The following CECR2 variants were observed in gnomAD, a reference collection of about 807,000 sequenced individuals.
The protein encoded by CECR2 is CECR2 histone acetyl-lysine reader.
CECR2 carries 30 observed loss-of-function variants against 154.5 expected under a neutral mutation model. That is an observed-to-expected ratio of 0.19 (90% CI 0.15 to 0.26). The LOEUF is 0.26. Among genes scored for constraint, CECR2 ranks in the 10% least tolerant of loss-of-function variants. CECR2 has a pLI of 1.00. For missense variants in CECR2, 1,743 were observed against 1,829.3 expected, an observed-to-expected ratio of 0.95 and a Z score of 0.86; for synonymous variants, 725 against 683.7, an observed-to-expected ratio of 1.06 and a Z score of -0.94.
intron 16 of CECR2, among the ~76,000 whole-genome samples, chr22:17,544,497 CAAAAAA>C (rs34885224): frequency 3.5e-5 from 2 of 57,390 alleles, no homozygotes; most frequent in Non-Finnish European, 6.6e-5. Context: ...GACTCCATCT[CAAAAAA>C]AAAAAAAAAA....
intron 1 of CECR2, among the ~76,000 whole-genome samples, chr22:17,381,969 G>A (rs149174617): frequency 0.036 from 5,480 of 151,764 alleles, 153 homozygotes; most frequent in Non-Finnish European, 0.05. Context: ...CTCACTGCGA[G>A]CTCCGCCTCC....
At position 17,500,333 on chromosome 22, in the gene CECR2, C is replaced by T. The variant is rs114817228; in HGVS notation, c.546-298C>T. On this transcript the variant is annotated intron_variant, in intron 4 of 18. Coordinates refer to ENST00000262608, the MANE Select transcript of CECR2 (RefSeq NM_001290047.2). ...GCTTTACTAAGTAAGGAAGAGGCCG[C>T]ATTTCCATAGCATCCCAAAACAATG... 4.7e-3 allele frequency among the ~76,000 whole-genome samples: 710 copies of T among 152,200 alleles called. 5 individuals are homozygous for T. Among genetic ancestry groups the T allele is most frequent in the African/African-American group, 0.016 (677 of 41,542 alleles).
intron 1 of CECR2, among the ~76,000 whole-genome samples, chr22:17,395,348 C>T (rs1051503789): frequency 1.1e-4 from 16 of 150,678 alleles, no homozygotes; most frequent in Non-Finnish European, 1.5e-4. Flanking sequence ...CTTACATATT[C>T]TCTCTTTTTT....
At chr22:17,417,598 C>T (rs2054175662) in intron 1 of CECR2, among the ~76,000 whole-genome samples, 1 of 152,112 alleles carries the variant, frequency 6.6e-6, no homozygotes, top group South Asian at 2.1e-4. Context: ...CATTCCACAA[C>T]ACCCAGTCTG....
At chr22:17,549,714 G>A in intron 17 of CECR2, 150 bp downstream of exon 17, 1 of 645,326 alleles carries the variant, frequency 1.5e-6, no homozygotes, top group South Asian at 2.1e-5. Context: ...CCAGGCTCAA[G>A]GATCCTCCTG....
chr22:17,551,871 G>GC (rs2056713381), intron 17 of CECR2, among the ~76,000 whole-genome samples, 160 bp from the exon 18 acceptor site: 1 of 152,162 alleles, frequency 6.6e-6, no homozygotes, highest in Admixed American at 6.5e-5. Context: ...GCCACTTACT[G>GC]CCCCAGGGGG....
intron 1 of CECR2, among the ~76,000 whole-genome samples, chr22:17,474,628 C>T (rs2055179792): frequency 6.6e-6 from 1 of 152,178 alleles, no homozygotes; most frequent in East Asian, 1.9e-4. Context: ...TGAAAATGGC[C>T]ATGATAAAGG....
At chr22:17,462,391 TTAAGA>T (rs565718986) in intron 1 of CECR2, among the ~76,000 whole-genome samples, 12 of 151,988 alleles carry the variant, frequency 7.9e-5, no homozygotes, top group South Asian at 2.1e-4. Flanking sequence ...GATAAAGATC[TTAAGA>T]TAATACTGAG....
chr22:17,386,893 C>T (rs572069205), intron 1 of CECR2, among the ~76,000 whole-genome samples: 3 of 152,194 alleles, frequency 2.0e-5, no homozygotes, highest in Admixed American at 2.0e-4. Context: ...TCAGGTGATC[C>T]ACCCGCCTCA....
In CECR2 at chr22:17,369,849, C is replaced by T. The variant is rs2063033502; in HGVS notation, c.66C>T (p.Ala22=). 1 of 150,892 alleles carries T rather than the reference C, an allele frequency of 6.6e-6. No individual in the cohort carries two copies. Among genetic ancestry groups the T allele is most frequent in the Admixed American group, 6.6e-5 (1 of 15,154 alleles). 9.3% of individuals were successfully genotyped at this position (150,892 alleles called of 1,614,324 possible). The change falls in exon 1 of 19, where the codon GCC becomes GCT. Residue 22 remains alanine, a synonymous_variant. Transcript: ENST00000262608. ...TCCGCTCCTGGTGGGAGGTCCCGGC[C>T]ATCGCGCACTTCTGCTCGCTCTTTC... ...GELRSWWEVP[A]IAHFCSLFRT... is the part of the protein sequence containing the mutation.
At chr22:17,398,948 G>T (rs1442640838) in intron 1 of CECR2, among the ~76,000 whole-genome samples, 1 of 152,164 alleles carries the variant, frequency 6.6e-6, no homozygotes, top group Admixed American at 6.5e-5. Context: ...GTGATATTGG[G>T]CTCCCTCTGA....
At chr22:17,419,716 C>A in intron 1 of CECR2, 1 of 303,026 alleles carries the variant, frequency 3.3e-6, no homozygotes, top group Non-Finnish European at 6.8e-6. Context: ...AGCTAGAGAG[C>A]TGATGGATAA....
Position 17,542,345 on chromosome 22 carries a change from T to G in CECR2, c.2202T>G (p.Ile734Met), listed in dbSNP as rs1430634394. ...CAGCTCAGTTCCAGCCAGGATTCAT[T>G]CCTCCCCGGCATGGGGGGGCTCCAG... ...YAPAQFQPGF[I>M]PPRHGGAPAR... is the part of the protein sequence containing the mutation. The change falls in exon 16 of 19, where the codon ATT becomes ATG. Residue 734 changes from isoleucine (I) to methionine (M), a missense_variant. Physicochemically the swap from Ile to Met is conservative, Grantham distance 10. Around this residue, in one of 4 missense-constraint regions of CECR2, gnomAD observed 1,250 missense variants for 1,192.1 expected, o/e 1.05. Coordinates refer to ENST00000262608, the MANE Select transcript of CECR2 (RefSeq NM_001290047.2). 1.9e-6 allele frequency: 3 copies of G among 1,613,714 alleles called. No individual in the cohort carries two copies. The South Asian group carries it at 3.3e-5, about 18-fold the overall frequency.
At chr22:17,468,789 TA>T (rs1446264039) in intron 1 of CECR2, among the ~76,000 whole-genome samples, 2 of 152,202 alleles carry the variant, frequency 1.3e-5, no homozygotes, top group Non-Finnish European at 2.9e-5. Context: ...TGTTTTGCCG[TA>T]ACAAAATATC....
chr22:17,381,880 C>T lies in CECR2; in HGVS notation c.126+11971C>T, dbSNP rs551071251. Among the ~76,000 whole-genome samples the T allele has an allele frequency of 3.0e-3, 430 of 142,868 alleles. 2 individuals are homozygous for T. The highest frequency in any genetic ancestry group is 3.9e-3 in the Non-Finnish European group (261 of 66,972). The allele number at this position is 142,868 out of a possible 152,430, so 93.7% of individuals were successfully genotyped here. On this transcript the variant is annotated intron_variant, in intron 1 of 18. Transcript: ENST00000262608. Reference sequence around the variant, plus strand: ...TGTAGTTAGCTAGGTCAGAGAGCCCCCACATTTTTTTTTTTTGTTTTTTTT... The same window carrying T: ...TGTAGTTAGCTAGGTCAGAGAGCCCTCACATTTTTTTTTTTTGTTTTTTTT...
At chr22:17,546,020 C>G (rs1358127258) in intron 16 of CECR2, among the ~76,000 whole-genome samples, 1 of 151,956 alleles carries the variant, frequency 6.6e-6, no homozygotes, top group Non-Finnish European at 1.5e-5. Context: ...CCACTACACT[C>G]CAGCCTGGGC....
intron 2 of CECR2, among the ~76,000 whole-genome samples, chr22:17,480,180 T>C (rs1007054196): frequency 6.6e-6 from 1 of 152,130 alleles, no homozygotes; most frequent in Non-Finnish European, 1.5e-5. Context: ...AGGATTATTA[T>C]CTATCTCTTT....
intron 1 of CECR2, among the ~76,000 whole-genome samples, chr22:17,449,033 C>T (rs5747154): frequency 0.3 from 45,344 of 151,686 alleles, 9,723 homozygotes; most frequent in African/African-American, 0.58. Context: ...CGGCAACTAC[C>T]ATGCCCGGCT....
Position 17,549,436 on chromosome 22 carries a change from C to T in CECR2, c.4149C>T (p.Leu1383=). The T allele has an allele frequency of 6.2e-7, 1 of 1,613,154 alleles. No individual in the cohort carries two copies. The highest frequency in any genetic ancestry group is 8.5e-7 in the Non-Finnish European group (1 of 1,179,506). ...CAGGGGCCACCCAGCCCAACGGCCT[C>T]TCTCAGGAGGGTCCCATCTATCGCT... is the stretch of plus-strand genomic sequence containing the variant. ...HHPGATQPNG[L]SQEGPIYRCQ... The change falls in exon 17 of 19, where the codon CTC becomes CTT. Residue 1383 remains leucine, a synonymous_variant. Transcript: ENST00000262608.
Sources: gnomAD v4.1 joint callset for allele counts (sites outside exome capture counted in the v4.1 genomes callset) on GRCh38, gnomAD v4.1.1 for gene constraint, gnomAD v4.1.1 regional missense constraint, MANE v1.5 for transcripts, NCBI Gene and HGNC (gene_info 2026-07-23, HGNC 2026-07-21) for gene names.